ZMYM4: variants seen among roughly 807,000 people sequenced by gnomAD.
ZMYM4 encodes zinc finger MYM-type protein 4.
Under a neutral mutation model 183.2 loss-of-function variants are expected in ZMYM4, and 31 were observed. That is an observed-to-expected ratio of 0.17 (90% CI 0.13 to 0.23). The LOEUF is 0.23. Ranked by LOEUF, ZMYM4 falls within the 10% of genes least tolerant of loss-of-function variation. The pLI is 1.00. For missense variants in ZMYM4, 1,273 were observed against 1,840.3 expected (o/e 0.69, Z 5.64); for synonymous variants, 592 against 631.2 (o/e 0.94, Z 0.93).
intron 1 of ZMYM4, among the ~76,000 whole-genome samples, chr1:35,282,407 A>G (rs1291752182): frequency 6.6e-6 from 1 of 152,244 alleles, no homozygotes; most frequent in African/African-American, 2.4e-5. Context: ...CTTCCCAGCC[A>G]CCAGAATTGT....
At chr1:35,329,222 T>A (rs143829937) in intron 2 of ZMYM4, among the ~76,000 whole-genome samples, 3 of 152,350 alleles carry the variant, frequency 2.0e-5, no homozygotes, top group African/African-American at 7.2e-5. Context: ...AAAAGAAGAC[T>A]TCAACATTTT....
intron 1 of ZMYM4, among the ~76,000 whole-genome samples, chr1:35,271,835 A>G (rs1293623376): frequency 1.3e-5 from 2 of 152,200 alleles, no homozygotes; most frequent in Non-Finnish European, 2.9e-5. Context: ...GTGGTGGCAC[A>G]TGCTTCTAGT....
At chr1:35,353,885 A>C (rs1042211115) in intron 2 of ZMYM4, among the ~76,000 whole-genome samples, 1 of 152,130 alleles carries the variant, frequency 6.6e-6, no homozygotes, top group Non-Finnish European at 1.5e-5. Flanking sequence ...GCAGTGGCTC[A>C]TGCAGTCCCA....
rs1373571736 is a variant in ZMYM4 at position 35,397,471 on chromosome 1, C to G, written c.3125C>G (p.Pro1042Arg). ...ATTAAAGAAAAGCTTCCCACACATC[C>G]ATTTGAAGCTGATCTCCTTGAGATG... ...EDIKEKLPTH[P>R]FEADLLEMAE... The change falls in exon 20 of 30, where the codon CCA (proline) becomes CGA (arginine). Residue 1042 changes from proline (P) to arginine (R), a missense_variant. Pro to Arg is a moderately radical substitution (Grantham distance 103, BLOSUM62 -2). This residue lies in a region of ZMYM4 where 290 missense variants were observed against 353.3 expected (regional missense o/e 0.82). Transcript: ENST00000314607. 1 of 1,613,184 alleles carries G rather than the reference C, an allele frequency of 6.2e-7. No homozygotes were observed. Among genetic ancestry groups the G allele is most frequent in the Non-Finnish European group, 8.5e-7 (1 of 1,179,592 alleles).
At chr1:35,375,079 G>A (rs12059180) in intron 7 of ZMYM4, among the ~76,000 whole-genome samples, 4,956 of 150,196 alleles carry the variant, frequency 0.033, 260 homozygotes, top group East Asian at 0.25. Flanking sequence ...TTTTTTATTC[G>A]TTCACCCCTT....
intron 5 of ZMYM4, among the ~76,000 whole-genome samples, chr1:35,366,237 A>G (rs78301896): frequency 0.065 from 9,908 of 152,260 alleles, 935 homozygotes; most frequent in East Asian, 0.44. Flanking sequence ...ATGCCAAAAG[A>G]CATCTCATGT....
chr1:35,336,117 A>G (rs1189968471), intron 2 of ZMYM4, among the ~76,000 whole-genome samples: 1 of 152,116 alleles, frequency 6.6e-6, no homozygotes, highest in East Asian at 1.9e-4. Context: ...TCCCCTGGCA[A>G]CCTTAGAAGT....
At chr1:35,334,930 C>T (rs986381160) in intron 2 of ZMYM4, among the ~76,000 whole-genome samples, 9 of 152,032 alleles carry the variant, frequency 5.9e-5, no homozygotes, top group South Asian at 2.1e-4. Context: ...AGTTATTTCT[C>T]GGAATACTTC....
At position 35,299,797 on chromosome 1, in the gene ZMYM4, C is replaced by CT. The variant is rs553866480; in HGVS notation, c.40-25550dup. 6.1e-3 allele frequency among the ~76,000 whole-genome samples: 871 copies of CT among 142,884 alleles called. 3 individuals are homozygous for CT. The highest frequency in any genetic ancestry group is 0.015 in the African/African-American group (593 of 39,316). The allele number at this position is 142,884 out of a possible 152,430, so 93.7% of individuals were successfully genotyped here. A position where few individuals can be genotyped will look rare whatever the true frequency, so the allele number is the denominator to read the frequency against. On this transcript the variant is annotated intron_variant, in intron 1 of 29. Coordinates refer to ENST00000314607, the MANE Select transcript of ZMYM4 (RefSeq NM_005095.3). ...CAGAGATTCTTTCTTTCTTTCTTTT[C>CT]TTTTTTTTTTTTTATGAGACAGAGT...
At chr1:35,367,093 T>C (rs1332958501) in intron 5 of ZMYM4, among the ~76,000 whole-genome samples, 1 of 151,978 alleles carries the variant, frequency 6.6e-6, no homozygotes, top group East Asian at 1.9e-4. Flanking sequence ...GGTTAGGTTA[T>C]GAAGTTTTGT....
intron 23 of ZMYM4, among the ~76,000 whole-genome samples, chr1:35,401,318 C>T (rs540340058): frequency 6.6e-6 from 1 of 152,132 alleles, no homozygotes; most frequent in African/African-American, 2.4e-5. Flanking sequence ...TTAATTTTAG[C>T]CATTCTAGTC....
At chr1:35,401,457 C>T (rs922137474) in intron 23 of ZMYM4, among the ~76,000 whole-genome samples, 9 of 152,166 alleles carry the variant, frequency 5.9e-5, no homozygotes, top group East Asian at 1.9e-4. Flanking sequence ...TCACAGTTTT[C>T]GCACATTTTT....
Position 35,294,388 on chromosome 1 carries a change from C to T in ZMYM4, c.39+25303C>T, listed in dbSNP as rs139986854. Among the ~76,000 whole-genome samples, 195 of 151,990 alleles carry T rather than the reference C, an allele frequency of 1.3e-3. 3 individuals are homozygous for T. Among genetic ancestry groups the T allele is most frequent in the Admixed American group, 0.011 (173 of 15,260 alleles). On this transcript the variant is annotated intron_variant, in intron 1 of 29. Transcript: ENST00000314607. ...ATTAATATTATTACATTAAGTATCCCAGTAGGGGTTTTAAAAATTATTCTA... is the reference window on the plus strand; with the variant it reads ...ATTAATATTATTACATTAAGTATCCTAGTAGGGGTTTTAAAAATTATTCTA...
intron 7 of ZMYM4, among the ~76,000 whole-genome samples, chr1:35,378,557 G>A (rs988510024): frequency 5.3e-5 from 8 of 152,194 alleles, no homozygotes; most frequent in African/African-American, 1.9e-4. Flanking sequence ...AGATGTCAGT[G>A]AGCAGTAATA....
rs986249776 is a variant in ZMYM4 at position 35,268,974 on chromosome 1, G to A, written c.-73G>A. The A allele has an allele frequency of 4.1e-5, 60 of 1,470,470 alleles. No individual in the cohort carries two copies. The highest frequency in any genetic ancestry group is 4.5e-6 in the Non-Finnish European group (5 of 1,108,728). 91.1% of individuals were successfully genotyped at this position (1,470,470 alleles called of 1,614,324 possible). A position where few individuals can be genotyped will look rare whatever the true frequency, so the allele number is the denominator to read the frequency against. On this transcript the variant is annotated 5_prime_UTR_variant, in exon 1 of 30. Transcript: ENST00000314607. ...CGAGGCGGCCGTGCCTGCAGTGTGG[G>A]CGGGGGCCGGGGGGCCGAGAGGTAC... is the stretch of plus-strand genomic sequence containing the variant.
At chr1:35,370,801 TC>T (rs1644191032) in intron 7 of ZMYM4, 174 bp downstream of exon 7, 1 of 799,340 alleles carries the variant, frequency 1.3e-6, no homozygotes, top group African/African-American at 1.8e-5. Flanking sequence ...TTTTCAGTCT[TC>T]CAGGTGCTAG....
chr1:35,322,403 A>T (rs1166838387), intron 1 of ZMYM4, among the ~76,000 whole-genome samples: 1 of 151,948 alleles, frequency 6.6e-6, no homozygotes, highest in Admixed American at 6.6e-5. Flanking sequence ...AGACTTTTCT[A>T]TCTTCTAGGG....
intron 26 of ZMYM4, 145 bp downstream of exon 26, chr1:35,408,304 C>T (rs555048432): frequency 2.4e-5 from 24 of 985,306 alleles, no homozygotes; most frequent in African/African-American, 1.3e-4. Context: ...AATTGGAAAC[C>T]GCTCAAGTGT....
chr1:35,297,177 T>C (rs1232473493), intron 1 of ZMYM4, among the ~76,000 whole-genome samples: 1 of 152,126 alleles, frequency 6.6e-6, no homozygotes, highest in East Asian at 1.9e-4. Flanking sequence ...TCTTTCTTTT[T>C]TTTTGAGATG....
Sources: allele counts gnomAD v4.1 joint callset (sites outside exome capture counted in the v4.1 genomes callset), GRCh38; gene constraint gnomAD v4.1.1; regional missense constraint gnomAD v4.1.1; transcripts MANE v1.5; gene names NCBI Gene and HGNC (gene_info 2026-07-23, HGNC 2026-07-21).